VIPAS39: variants seen among roughly 807,000 people sequenced by gnomAD.
VIPAS39 encodes the protein VPS33B interacting protein, apical-basolateral polarity regulator, spe-39 homolog.
A neutral mutation model predicts 84.7 loss-of-function variants in VIPAS39; 63 were observed. The observed-to-expected ratio is 0.74, with a 90% CI of 0.61 to 0.92. VIPAS39 has a LOEUF of 0.92. VIPAS39 is among the 40% of genes least tolerant of loss of function. VIPAS39 has a pLI of 0.00. For missense variants in VIPAS39, 499 were observed against 604.5 expected (o/e 0.83, Z 1.83); for synonymous variants, 192 against 216.5 (o/e 0.89, Z 0.99).
intron 10 of VIPAS39, among the ~76,000 whole-genome samples, chr14:77,442,297 G>A (rs1728648928): frequency 6.6e-6 from 1 of 152,066 alleles, no homozygotes. Context: ...TGATAACTTG[G>A]CCAAGGTCAC....
At position 77,457,302 on chromosome 14, in the gene VIPAS39, A is replaced by C. The variant is rs2078974857; in HGVS notation, c.-1+193T>G. The C allele has an allele frequency of 3.9e-6, 6 of 1,535,682 alleles. No homozygotes were observed. The highest frequency in any genetic ancestry group is 1.7e-4 in the Middle Eastern group (1 of 5,988). ...TGAACCAAATGTCCGCTTCCGAACC[A>C]ATCGCTGGTGCTCACTCGCAGCCCC... On this transcript the variant is annotated intron_variant, in intron 1 of 19. Coordinates refer to ENST00000557658, the MANE Select transcript of VIPAS39 (RefSeq NM_001193315.2).
intron 1 of VIPAS39, among the ~76,000 whole-genome samples, chr14:77,455,126 C>T (rs930048957): frequency 5.3e-5 from 8 of 152,248 alleles, no homozygotes; most frequent in African/African-American, 1.9e-4. Context: ...CAAAAGACCA[C>T]AAGTCCCTGT....
intron 16 of VIPAS39, among the ~76,000 whole-genome samples, chr14:77,431,552 C>A (rs1020308883): frequency 6.6e-6 from 1 of 151,996 alleles, no homozygotes; most frequent in African/African-American, 2.4e-5. Flanking sequence ...GGAAAGGGAA[C>A]TCTTGTACCC....
At chr14:77,447,701 C>G (rs1421730074) in intron 7 of VIPAS39, among the ~76,000 whole-genome samples, 1 of 152,218 alleles carries the variant, frequency 6.6e-6, no homozygotes, top group African/African-American at 2.4e-5. Context: ...ACTCTTGTTG[C>G]CCAGGCTGGA....
Position 77,448,331 on chromosome 14 carries a change from T to C in VIPAS39, c.504+163A>G, listed in dbSNP as rs10483882. On this transcript the variant is annotated intron_variant, in intron 7 of 19. Transcript: ENST00000557658. ...CACTACCCCATCAAAGCAACAGTAA[T>C]GGAGAATCAGAAATTTTGCCACTGA... Among the ~76,000 whole-genome samples the C allele has an allele frequency of 0.17, 25,808 of 152,156 alleles. 2,458 individuals carry two copies. Among genetic ancestry groups the C allele is most frequent in the Middle Eastern group, 0.28 (83 of 294 alleles).
intron 3 of VIPAS39, among the ~76,000 whole-genome samples, chr14:77,452,233 CT>C (rs1412857528): frequency 6.6e-6 from 1 of 152,154 alleles, no homozygotes; most frequent in Admixed American, 6.5e-5. Flanking sequence ...AAGCATGCTA[CT>C]GCTTGTGTAA....
At chr14:77,446,249 T>C (rs1311665453) in intron 7 of VIPAS39, among the ~76,000 whole-genome samples, 1 of 152,172 alleles carries the variant, frequency 6.6e-6, no homozygotes, top group African/African-American at 2.4e-5. Flanking sequence ...ATGATCCATT[T>C]TATTTATTCA....
At chr14:77,450,579 C>T (rs1486523322) in intron 4 of VIPAS39, among the ~76,000 whole-genome samples, 1 of 152,182 alleles carries the variant, frequency 6.6e-6, no homozygotes, top group Non-Finnish European at 1.5e-5. Context: ...AGTGCAATCT[C>T]GGTTCACTAC....
At chr14:77,454,616 G>A (rs559110197) in intron 1 of VIPAS39, among the ~76,000 whole-genome samples, 4 of 148,834 alleles carry the variant, frequency 2.7e-5, no homozygotes, top group African/African-American at 9.9e-5. Flanking sequence ...AGAGGTTGCG[G>A]TGAGCAGAGA....
intron 16 of VIPAS39, among the ~76,000 whole-genome samples, chr14:77,431,255 GA>G (rs1335512505): frequency 6.6e-6 from 1 of 152,162 alleles, no homozygotes; most frequent in Non-Finnish European, 1.5e-5. Flanking sequence ...CTATGGATTA[GA>G]ATATTTGTAA....
chr14:77,428,891 C>T, intron 18 of VIPAS39, 115 bp downstream of exon 18: 1 of 921,404 alleles, frequency 1.1e-6, no homozygotes, highest in Non-Finnish European at 1.8e-6. Flanking sequence ...TTATTCTGTC[C>T]ATTCAGTCAA....
Position 77,427,499 on chromosome 14 carries a change from C to A in VIPAS39, c.*117G>T, listed in dbSNP as rs1044706011. The A allele has an allele frequency of 1.6e-6, 2 of 1,289,036 alleles. No homozygotes were observed. The allele number at this position is 1,289,036 out of a possible 1,614,324, so 79.8% of individuals were successfully genotyped here. A position where few individuals can be genotyped will look rare whatever the true frequency, so the allele number is the denominator to read the frequency against. ...TCTGTGTCAAGAGTAGCTGGCACTG[C>A]CCATGGGTAATGGGCCCAAGCGATG... On this transcript the variant is annotated 3_prime_UTR_variant, in exon 20 of 20. Coordinates refer to ENST00000557658, the MANE Select transcript of VIPAS39 (RefSeq NM_001193315.2).
chr14:77,453,716 T>C (rs891437342), intron 2 of VIPAS39, among the ~76,000 whole-genome samples: 11 of 151,962 alleles, frequency 7.2e-5, no homozygotes, highest in Non-Finnish European at 1.3e-4. Flanking sequence ...AATTGCAAAA[T>C]AGACACAACA....
At chr14:77,443,274 TG>T in intron 8 of VIPAS39, 122 bp from the exon 9 acceptor site, 1 of 1,200,698 alleles carries the variant, frequency 8.3e-7, no homozygotes, top group Non-Finnish European at 1.2e-6. Flanking sequence ...CAGCTCTGTA[TG>T]TGATGCAAGG....
chr14:77,455,703 C>T (rs991671438), intron 1 of VIPAS39, among the ~76,000 whole-genome samples: 15 of 152,162 alleles, frequency 9.9e-5, no homozygotes, highest in African/African-American at 3.6e-4. Context: ...CATGGTAGTC[C>T]TGTTGAGGCT....
intron 17 of VIPAS39, 40 bp from the exon 18 acceptor site, chr14:77,429,135 C>G (rs976362966): frequency 1.1e-5 from 17 of 1,564,172 alleles, no homozygotes; most frequent in Admixed American, 1.7e-5. Flanking sequence ...TTCAAACACC[C>G]ATAAGGCACA....
intron 3 of VIPAS39, among the ~76,000 whole-genome samples, chr14:77,452,556 G>C (rs2139889450): frequency 6.6e-6 from 1 of 152,130 alleles, no homozygotes; most frequent in Admixed American, 6.5e-5. Context: ...AAGGCAGGCG[G>C]ATCACTTGAG....
At chr14:77,454,293 A>G (rs568910600) in intron 1 of VIPAS39, among the ~76,000 whole-genome samples, 191 bp from the exon 2 acceptor site, 71 of 152,314 alleles carry the variant, frequency 4.7e-4, no homozygotes, top group African/African-American at 1.2e-3. Context: ...TCATACTTCT[A>G]ATCTTCTAAT....
At chr14:77,451,413 G>T in intron 3 of VIPAS39, 80 bp from the exon 4 acceptor site, 14 of 1,609,688 alleles carry the variant, frequency 8.7e-6, no homozygotes, top group Non-Finnish European at 1.2e-5. Context: ...AACTCTAAAA[G>T]CTTTTCACCA....
Sources: allele counts gnomAD v4.1 joint callset (sites outside exome capture counted in the v4.1 genomes callset), GRCh38; gene constraint gnomAD v4.1.1; transcripts MANE v1.5; gene names NCBI Gene and HGNC (gene_info 2026-07-23, HGNC 2026-07-21).